The following ANKS1B variants were observed in gnomAD, a reference collection of about 807,000 sequenced individuals.
The protein encoded by ANKS1B is ankyrin repeat and sterile alpha motif domain containing 1B.
A neutral mutation model predicts 148.3 loss-of-function variants in ANKS1B; 36 were observed. The observed-to-expected ratio is 0.24, with a 90% CI of 0.19 to 0.32. The LOEUF is 0.32. ANKS1B is among the 10% of genes least tolerant of loss of function. The pLI is 1.00. For missense variants in ANKS1B, 1,157 were observed against 1,542.6 expected, an observed-to-expected ratio of 0.75 and a Z score of 4.19; for synonymous variants, 542 against 560.8, an observed-to-expected ratio of 0.97 and a Z score of 0.47.
At chr12:99,877,191 G>T (rs1302695463) in intron 1 of ANKS1B, among the ~76,000 whole-genome samples, 1 of 151,988 alleles carries the variant, frequency 6.6e-6, no homozygotes. Context: ...GCTGATTAAG[G>T]TATTATACTC....
chr12:99,550,058 T>C (rs900156323), intron 9 of ANKS1B, among the ~76,000 whole-genome samples: 4 of 152,198 alleles, frequency 2.6e-5, no homozygotes, highest in African/African-American at 9.7e-5. Flanking sequence ...ACCTGTGTTG[T>C]TGTTGAGCCA....
chr12:99,876,818 C>A (rs1026863432), intron 1 of ANKS1B, among the ~76,000 whole-genome samples: 92 of 151,734 alleles, frequency 6.1e-4, no homozygotes, highest in Non-Finnish European at 1.1e-3. Flanking sequence ...AGTATGAGTT[C>A]TTTTACTTCT....
At chr12:99,046,581 C>T (rs1199727852) in intron 17 of ANKS1B, among the ~76,000 whole-genome samples, 1 of 151,966 alleles carries the variant, frequency 6.6e-6, no homozygotes, top group Non-Finnish European at 1.5e-5. Context: ...AGGCGGATCA[C>T]AAGGTCAGGA....
chr12:99,024,002 T>C (rs1013578903), intron 17 of ANKS1B, among the ~76,000 whole-genome samples: 1 of 151,056 alleles, frequency 6.6e-6, no homozygotes, highest in Non-Finnish European at 1.5e-5. Flanking sequence ...TATATATTTG[T>C]TGTGTTTTGT....
intron 12 of ANKS1B, among the ~76,000 whole-genome samples, chr12:99,397,027 T>C (rs749429688): frequency 6.6e-6 from 1 of 150,932 alleles, no homozygotes. Context: ...CATACCACTA[T>C]TTTTTGTTTT....
At chr12:99,948,194 T>C (rs1177892849) in intron 1 of ANKS1B, among the ~76,000 whole-genome samples, 1 of 152,082 alleles carries the variant, frequency 6.6e-6, no homozygotes, top group Non-Finnish European at 1.5e-5. Context: ...GCCTACCACA[T>C]GTACACATTT....
chr12:98,756,215 T>C (rs2098237780), intron 25 of ANKS1B, among the ~76,000 whole-genome samples: 1 of 152,142 alleles, frequency 6.6e-6, no homozygotes, highest in Non-Finnish European at 1.5e-5. Flanking sequence ...GGTAATTGAA[T>C]CATGGGGGTG....
At chr12:99,548,040 T>C (rs978501884) in intron 9 of ANKS1B, among the ~76,000 whole-genome samples, 2 of 152,156 alleles carry the variant, frequency 1.3e-5, no homozygotes, top group African/African-American at 4.8e-5. Context: ...GCAACAGCAA[T>C]AAAATTTGTG....
chr12:99,186,828 A>T (rs2079924944), intron 14 of ANKS1B, among the ~76,000 whole-genome samples: 1 of 152,112 alleles, frequency 6.6e-6, no homozygotes, highest in South Asian at 2.1e-4. Context: ...TCTCCAAAGG[A>T]TCATAACTCC....
chr12:99,275,417 C>G (rs1458626672), intron 12 of ANKS1B, among the ~76,000 whole-genome samples: 4 of 152,144 alleles, frequency 2.6e-5, no homozygotes, highest in African/African-American at 9.7e-5. Context: ...ATGTTTAGCT[C>G]TACAAATAAG....
intron 10 of ANKS1B, among the ~76,000 whole-genome samples, chr12:99,456,690 G>C (rs1243350658): frequency 6.6e-6 from 1 of 152,022 alleles, no homozygotes; most frequent in Non-Finnish European, 1.5e-5. Context: ...TGAAATCAAG[G>C]CTTTCAAATT....
intron 1 of ANKS1B, among the ~76,000 whole-genome samples, chr12:99,918,861 T>C (rs2094256957): frequency 6.6e-6 from 1 of 152,174 alleles, no homozygotes; most frequent in Non-Finnish European, 1.5e-5. Flanking sequence ...AACACGCTCC[T>C]TAAAAACATA....
chr12:98,833,251 T>C (rs953818045), intron 17 of ANKS1B, among the ~76,000 whole-genome samples: 2 of 152,154 alleles, frequency 1.3e-5, no homozygotes, highest in African/African-American at 4.8e-5. Flanking sequence ...AGTGGTTAAG[T>C]CACCTACCCA....
chr12:99,939,678 C>G (rs74767263), intron 1 of ANKS1B, among the ~76,000 whole-genome samples: 10,173 of 152,198 alleles, frequency 0.067, 400 homozygotes, highest in Non-Finnish European at 0.081. Context: ...CAAGGTTTCT[C>G]TTTTTATTAT....
chr12:99,481,524 A>G (rs1390553921), intron 10 of ANKS1B, among the ~76,000 whole-genome samples: 1 of 151,892 alleles, frequency 6.6e-6, no homozygotes, highest in African/African-American at 2.4e-5. Flanking sequence ...TATCTTTTTC[A>G]TATAATGACT....
intron 11 of ANKS1B, among the ~76,000 whole-genome samples, chr12:99,426,627 T>C (rs1000351558): frequency 1.3e-5 from 2 of 152,314 alleles, no homozygotes; most frequent in Non-Finnish European, 2.9e-5. Context: ...GCTTTTTAAA[T>C]AGTAATGTAA....
chr12:98,944,288 G>A (rs969354383), intron 17 of ANKS1B, among the ~76,000 whole-genome samples: 1 of 96,516 alleles, frequency 1.0e-5, no homozygotes, highest in South Asian at 3.7e-4. Flanking sequence ...TGACAAGAGC[G>A]AAACTCCACC....
intron 1 of ANKS1B, among the ~76,000 whole-genome samples, chr12:99,873,741 AT>A (rs1409570447): frequency 2.6e-5 from 4 of 152,078 alleles, no homozygotes. Flanking sequence ...CATGATGGCA[AT>A]TTTTAAATGA....
intron 1 of ANKS1B, among the ~76,000 whole-genome samples, chr12:99,831,945 T>G (rs2084078558): frequency 6.6e-6 from 1 of 152,176 alleles, no homozygotes. Context: ...TGTGAATGGC[T>G]AATAAATATT....
Sources: allele counts gnomAD v4.1 joint callset (sites outside exome capture counted in the v4.1 genomes callset), GRCh38; gene constraint gnomAD v4.1.1; transcripts MANE v1.5; gene names NCBI Gene and HGNC (gene_info 2026-07-23, HGNC 2026-07-21).